Variants in TXLNB observed in about 807,000 individuals in gnomAD.
TXLNB encodes the protein beta-taxilin.
A neutral mutation model predicts 57.4 loss-of-function variants in TXLNB; 37 were observed. The observed-to-expected ratio is 0.64, with a 90% CI of 0.50 to 0.85. TXLNB has a LOEUF of 0.85. TXLNB is among the 40% of genes least tolerant of loss of function. The pLI is 0.00. For synonymous variants in TXLNB, 302 were observed against 309.6 expected (o/e 0.98, Z 0.26); for missense variants, 848 against 825.6 (o/e 1.03, Z -0.33).
chr6:139,288,902 TG>T lies in TXLNB; in HGVS notation c.-4del. 6.2e-7 allele frequency: 1 copy of T among 1,610,386 alleles called. No homozygotes were observed. The highest frequency in any genetic ancestry group is 8.5e-7 in the Non-Finnish European group (1 of 1,177,472). On this transcript the variant is annotated 5_prime_UTR_variant, in exon 2 of 10. Transcript: ENST00000358430. ...TGTTCAGAGTGATTAGCCTCCATCT[TG>T]GGAGTAGTATCTAGTGGTAAGCACA...
chr6:139,199,945 T>A, the TXLNB span: 2 of 152,198 alleles, frequency 1.3e-5, no homozygotes, highest in Non-Finnish European at 2.9e-5. Context: ...AGACCTCCAA[T>A]GACAGGAAGC....
the TXLNB span, chr6:139,166,970 GC>G: frequency 6.2e-7 from 1 of 1,614,196 alleles, no homozygotes. Context: ...GTTCAGAAAT[GC>G]CCACTTTGAT....
At chr6:139,288,438 C>A in intron 2 of TXLNB, 38 bp downstream of exon 2, 2 of 1,584,178 alleles carry the variant, frequency 1.3e-6, no homozygotes, top group South Asian at 1.1e-5. Flanking sequence ...TTAGGAATAC[C>A]ATACAGAAAA....
chr6:139,166,378 C>G, the TXLNB span: 2 of 1,614,116 alleles, frequency 1.2e-6, no homozygotes, highest in Non-Finnish European at 1.7e-6. Flanking sequence ...ACAACGAGCA[C>G]TGCCCCTGCA....
chr6:139,242,456 T>C lies in TXLNB; in HGVS notation c.*70A>G. 7.3e-7 allele frequency: 1 copy of C among 1,365,620 alleles called. No individual in the cohort carries two copies. The highest frequency in any genetic ancestry group is 9.6e-7 in the Non-Finnish European group (1 of 1,040,292). The allele number at this position is 1,365,620 out of a possible 1,614,324, so 84.6% of individuals were successfully genotyped here. A position where few individuals can be genotyped will look rare whatever the true frequency, so the allele number is the denominator to read the frequency against. On this transcript the variant is annotated 3_prime_UTR_variant, in exon 10 of 10. Coordinates refer to ENST00000358430, the MANE Select transcript of TXLNB (RefSeq NM_153235.4). ...TGACATCTCTAGCCCTTAATGCCTT[T>C]TTCGGAAGACAAGCTGTTATGCTGA...
intron 3 of TXLNB, 103 bp from the exon 4 acceptor site, chr6:139,270,729 C>T: frequency 6.8e-6 from 7 of 1,035,620 alleles, no homozygotes; most frequent in Non-Finnish European, 9.9e-6. Flanking sequence ...TGTTTGGAAA[C>T]ATTTTTTGCT....
At chr6:139,195,237 C>G in the TXLNB span, among the ~76,000 whole-genome samples, 2 of 152,166 alleles carry the variant, frequency 1.3e-5, no homozygotes, top group African/African-American at 4.8e-5. Context: ...CCCATGTCCA[C>G]TTTTTAAACA....
At chr6:139,199,085 T>C in the TXLNB span, among the ~76,000 whole-genome samples, 1 of 152,118 alleles carries the variant, frequency 6.6e-6, no homozygotes, top group Admixed American at 6.6e-5. Flanking sequence ...TGCAGCTAAA[T>C]TTAATCCTGA....
the TXLNB span, among the ~76,000 whole-genome samples, chr6:139,189,212 C>T: frequency 6.6e-6 from 1 of 152,182 alleles, no homozygotes; most frequent in Non-Finnish European, 1.5e-5. Context: ...AAGGAGGTGA[C>T]AGGCGTATTC....
the TXLNB span, among the ~76,000 whole-genome samples, chr6:139,307,670 T>C: frequency 2.0e-5 from 3 of 152,366 alleles, no homozygotes; most frequent in East Asian, 5.8e-4. Flanking sequence ...ACAACCTTAT[T>C]ATACCCATTC....
the TXLNB span, among the ~76,000 whole-genome samples, chr6:139,307,951 G>C: frequency 6.6e-6 from 1 of 151,932 alleles, no homozygotes; most frequent in Non-Finnish European, 1.5e-5. Flanking sequence ...GAAGTGGGTT[G>C]ACACTTCCCA....
chr6:139,207,810 T>C, the TXLNB span, among the ~76,000 whole-genome samples: 1 of 152,154 alleles, frequency 6.6e-6, no homozygotes, highest in Non-Finnish European at 1.5e-5. Context: ...GCGCGGTGGC[T>C]CACGCTTGTA....
At chr6:139,233,035 AATAAT>A in the TXLNB span, among the ~76,000 whole-genome samples, 1 of 152,126 alleles carries the variant, frequency 6.6e-6, no homozygotes, top group Non-Finnish European at 1.5e-5. Context: ...TTATTCTATA[AATAAT>A]ATAATATGCT....
At chr6:139,274,876 A>G (rs1776855215) in intron 3 of TXLNB, among the ~76,000 whole-genome samples, 1 of 152,188 alleles carries the variant, frequency 6.6e-6, no homozygotes, top group Admixed American at 6.5e-5. Context: ...AAAATACTAA[A>G]AAGAGCAAGG....
chr6:139,243,412 C>T (rs1776000200), intron 9 of TXLNB, 98 bp from the exon 10 acceptor site: 1 of 1,331,340 alleles, frequency 7.5e-7, no homozygotes, highest in African/African-American at 1.5e-5. Context: ...AACTATTTGT[C>T]CCAGAATTTG....
chr6:139,226,856 G>A, the TXLNB span, among the ~76,000 whole-genome samples: 1 of 151,874 alleles, frequency 6.6e-6, no homozygotes, highest in East Asian at 1.9e-4. Flanking sequence ...GCAAAACCCC[G>A]TCTCTACAAA....
chr6:139,228,632 A>C, the TXLNB span, among the ~76,000 whole-genome samples: 1 of 150,480 alleles, frequency 6.6e-6, no homozygotes, highest in Non-Finnish European at 1.5e-5. Flanking sequence ...TTGCAACTCC[A>C]CTCACCTCCT....
chr6:139,274,659 C>G (rs76725416), intron 3 of TXLNB, among the ~76,000 whole-genome samples: 6,067 of 152,186 alleles, frequency 0.04, 388 homozygotes, highest in African/African-American at 0.13. Context: ...ATGAACAACC[C>G]TGGCTCATGG....
chr6:139,177,159 T>C, the TXLNB span: 1 of 723,964 alleles, frequency 1.4e-6, no homozygotes, highest in Admixed American at 2.1e-5. This position sits in a 1 kb window ranked among gnomAD's most constrained non-coding sequence, Gnocchi z 4.9. Flanking sequence ...CTTTATTACA[T>C]ATCTTTTATA....
Sources: gnomAD v4.1 joint callset for allele counts (sites outside exome capture counted in the v4.1 genomes callset) on GRCh38, gnomAD v4.1.1 for gene constraint, Gnocchi (gnomAD v3.1) non-coding constraint, MANE v1.5 for transcripts, NCBI Gene and HGNC (gene_info 2026-07-23, HGNC 2026-07-21) for gene names.